Variants in KCNQ1 observed in about 807,000 individuals in gnomAD.
KCNQ1 encodes potassium voltage-gated channel subfamily KQT member 1.
In KCNQ1, 49 loss-of-function variants were observed where a neutral mutation model predicts 72.4. The observed-to-expected ratio is 0.68, with a 90% CI of 0.54 to 0.86. The LOEUF is 0.86. Among genes scored for constraint, KCNQ1 ranks in the 40% least tolerant of loss-of-function variants. The pLI is 0.00. For missense variants in KCNQ1, 790 were observed against 945.1 expected, an observed-to-expected ratio of 0.84 and a Z score of 2.15; for synonymous variants, 450 against 412.6, an observed-to-expected ratio of 1.09 and a Z score of -1.10.
At position 2,724,317 on chromosome 11, in the gene KCNQ1, G is replaced by A. The variant is rs541449860; in HGVS notation, c.1515-44527G>A. Among the ~76,000 whole-genome samples the A allele has an allele frequency of 3.3e-4, 51 of 152,284 alleles. No homozygotes were observed. Among genetic ancestry groups the A allele is most frequent in the African/African-American group, 1.1e-3 (45 of 41,536 alleles). On this transcript the variant is annotated intron_variant, in intron 11 of 15. Coordinates refer to ENST00000155840, the MANE Select transcript of KCNQ1 (RefSeq NM_000218.3). The surrounding 1 kb of genome is among the most constrained non-coding windows in gnomAD (Gnocchi z 6.8). ...GAGCCCTCCCGCTCCACCAGGTGAC[G>A]GCCCTAAATCCTCAGGAGTGACAGC...
At chr11:2,555,014 C>T (rs914774672) in intron 2 of KCNQ1, among the ~76,000 whole-genome samples, 7 of 152,202 alleles carry the variant, frequency 4.6e-5, no homozygotes, top group African/African-American at 1.4e-4. Context: ...CACACGTGCA[C>T]ACACACACGT....
At position 2,725,658 on chromosome 11, in the gene KCNQ1, G is replaced by A. The variant is rs976459792; in HGVS notation, c.1515-43186G>A. ...GGCTGGGCGCCCTGCCCTGCCTTCAGTGCCAAAGCCCCAGGCCCACAGGCT... is the reference window on the plus strand; with the variant it reads ...GGCTGGGCGCCCTGCCCTGCCTTCAATGCCAAAGCCCCAGGCCCACAGGCT... On this transcript the variant is annotated intron_variant, in intron 11 of 15. Coordinates refer to ENST00000155840, the MANE Select transcript of KCNQ1 (RefSeq NM_000218.3). The surrounding 1 kb of genome is among the most constrained non-coding windows in gnomAD (Gnocchi z 7.2). Among the ~76,000 whole-genome samples, 6 of 152,154 alleles carry A rather than the reference G, an allele frequency of 3.9e-5. No homozygotes were observed. Among genetic ancestry groups the A allele is most frequent in the African/African-American group, 1.2e-4 (5 of 41,434 alleles).
At chr11:2,640,585 T>A (rs1849558197) in intron 10 of KCNQ1, 1 of 395,578 alleles carries the variant, frequency 2.5e-6, no homozygotes, top group African/African-American at 2.1e-5. Context: ...TTTTGACCGA[T>A]ACATAATACT....
chr11:2,640,042 T>G, intron 10 of KCNQ1: 1 of 177,288 alleles, frequency 5.6e-6, no homozygotes. Flanking sequence ...TGCCGTTTGC[T>G]AAGACCATTG....
In KCNQ1 at chr11:2,566,422, C is replaced by T. The variant is rs1189566896; in HGVS notation, c.478-4206C>T. Among the ~76,000 whole-genome samples the T allele has an allele frequency of 6.6e-6, 1 of 152,192 alleles. No homozygotes were observed. Among genetic ancestry groups the T allele is most frequent in the African/African-American group, 2.4e-5 (1 of 41,444 alleles). ...TCTCTGCCATGGACGCCAGTCTTCC[C>T]TCCCCTAAGCTGCGGGTGACCTGAC... On this transcript the variant is annotated intron_variant, in intron 2 of 15. Transcript: ENST00000155840. This position sits in a 1 kb window ranked among gnomAD's most constrained non-coding sequence, Gnocchi z 6.7.
At chr11:2,756,444 A>G (rs1846299448) in intron 11 of KCNQ1, among the ~76,000 whole-genome samples, 1 of 126,008 alleles carries the variant, frequency 7.9e-6, no homozygotes, top group South Asian at 2.5e-4. Flanking sequence ...CTAAAATTAA[A>G]AAAAAAAAAA....
At chr11:2,740,104 G>C (rs1291300589) in intron 11 of KCNQ1, among the ~76,000 whole-genome samples, 3 of 152,206 alleles carry the variant, frequency 2.0e-5, no homozygotes, top group Admixed American at 1.3e-4. Context: ...ATGGCGCCCA[G>C]GGTGCCAGTG....
chr11:2,688,487 G>A (rs1328475896), intron 11 of KCNQ1: 2 of 398,592 alleles, frequency 5.0e-6, no homozygotes, highest in Non-Finnish European at 8.8e-6. Flanking sequence ...TCTGCCTCTG[G>A]TTGCCCTGCT....
chr11:2,613,621 C>G lies in KCNQ1; in HGVS notation c.1393+24767C>G. ...TTTATATTTCTTTGTCCAGTTTTAT[C>G]ATTGCTTTTCAGGGAGTGGTTATAT... On this transcript the variant is annotated intron_variant, in intron 10 of 15. Coordinates refer to ENST00000155840, the MANE Select transcript of KCNQ1 (RefSeq NM_000218.3). This position sits in a 1 kb window ranked among gnomAD's most constrained non-coding sequence, Gnocchi z 4.8. 1 of 398,524 alleles carries G rather than the reference C, an allele frequency of 2.5e-6. No homozygotes were observed. The highest frequency in any genetic ancestry group is 4.4e-6 in the Non-Finnish European group (1 of 226,040). 24.7% of individuals were successfully genotyped at this position (398,524 alleles called of 1,614,324 possible). A position where few individuals can be genotyped will look rare whatever the true frequency, so the allele number is the denominator to read the frequency against.
intron 6 of KCNQ1, among the ~76,000 whole-genome samples, chr11:2,578,412 T>C (rs1255170589): frequency 6.6e-6 from 1 of 152,190 alleles, no homozygotes; most frequent in Non-Finnish European, 1.5e-5. Context: ...CCACATCCCC[T>C]GGAACCACTG....
At chr11:2,707,435 T>A (rs1050021426) in intron 11 of KCNQ1, among the ~76,000 whole-genome samples, 4 of 152,128 alleles carry the variant, frequency 2.6e-5, no homozygotes, top group African/African-American at 9.7e-5. Context: ...CCAAGAGCCC[T>A]CCCTTTTGGG....
Position 2,648,981 on chromosome 11 carries a change from C to CTTTTTTTTTTTTTTTTT in KCNQ1, c.1394-12973_1394-12957dup. ...CCTCCTTTGTCTCTTTTTTCTTTTT[C>CTTTTTTTTTTTTTTTTT]TTTTTTTTTTTTTTTTTTTTTTTGA... On this transcript the variant is annotated intron_variant, in intron 10 of 15. Transcript: ENST00000155840. The CTTTTTTTTTTTTTTTTT allele has an allele frequency of 1.9e-4, 41 of 213,298 alleles. 1 individual carries two copies. The highest frequency in any genetic ancestry group is 8.7e-4 in the Admixed American group (9 of 10,320). The allele number at this position is 213,298 out of a possible 1,614,324, so 13.2% of individuals were successfully genotyped here. A position where few individuals can be genotyped will look rare whatever the true frequency, so the allele number is the denominator to read the frequency against.
At chr11:2,739,904 C>T (rs1256415787) in intron 11 of KCNQ1, among the ~76,000 whole-genome samples, 1 of 152,234 alleles carries the variant, frequency 6.6e-6, no homozygotes, top group Non-Finnish European at 1.5e-5. Flanking sequence ...ACAGAGGCCT[C>T]ACCAGTGGGA....
Position 2,595,051 on chromosome 11 carries a change from T to C in KCNQ1, c.1393+6197T>C, listed in dbSNP as rs1456134733. 2.6e-5 allele frequency among the ~76,000 whole-genome samples: 4 copies of C among 152,214 alleles called. No individual in the cohort carries two copies. The highest frequency in any genetic ancestry group is 2.6e-4 in the Admixed American group (4 of 15,280). On this transcript the variant is annotated intron_variant, in intron 10 of 15. Transcript: ENST00000155840. The surrounding 1 kb of genome is among the most constrained non-coding windows in gnomAD (Gnocchi z 5.0). ...TGTACAGGGTGACCCAGTGAACCAA[T>C]CCAGGACCTTCATGATCCATGTTTT...
chr11:2,778,543 C>A (rs750736395), intron 15 of KCNQ1, among the ~76,000 whole-genome samples: 1 of 152,166 alleles, frequency 6.6e-6, no homozygotes, highest in Non-Finnish European at 1.5e-5. Flanking sequence ...ACCCACCAGG[C>A]CCCCACTCCC....
In KCNQ1 at chr11:2,661,510, G is replaced by A. The variant is rs1849955659; in HGVS notation, c.1394-451G>A. 4.3e-6 allele frequency: 2 copies of A among 464,478 alleles called. No homozygotes were observed. Among genetic ancestry groups the A allele is most frequent in the Admixed American group, 3.7e-5 (1 of 27,034 alleles). 28.8% of individuals were successfully genotyped at this position (464,478 alleles called of 1,614,324 possible). ...GGCTTGCCATTCCTCATGGGTCAGAGGTCCTATCACCCCATCTTTCCTGAC... is the reference window on the plus strand; with the variant it reads ...GGCTTGCCATTCCTCATGGGTCAGAAGTCCTATCACCCCATCTTTCCTGAC... On this transcript the variant is annotated intron_variant, in intron 10 of 15. Coordinates refer to ENST00000155840, the MANE Select transcript of KCNQ1 (RefSeq NM_000218.3). The surrounding 1 kb of genome is among the most constrained non-coding windows in gnomAD (Gnocchi z 5.9).
chr11:2,689,251 G>A, intron 11 of KCNQ1: 1 of 398,734 alleles, frequency 2.5e-6, no homozygotes. Context: ...TCAGCCCTTG[G>A]AGGACGTTCC....
At position 2,847,958 on chromosome 11, in the gene KCNQ1, C is replaced by G. The variant is rs11601907; in HGVS notation, c.1986C>G (p.Tyr662Ter). The change falls in exon 16 of 16, where the codon TAC becomes TAG. Residue 662 changes from tyrosine to a stop codon, truncating the protein, a stop_gained. Transcript: ENST00000155840. LOFTEE classifies it high-confidence loss of function. ...TGCCCAGCAACACCCTGCCCACCTA[C>G]GAGCAGCTGACCGTGCCCAGGAGGG... ...LFLPSNTLPT[Y>*]EQLTVPRRGP... 1.9e-4 allele frequency: 304 copies of G among 1,564,530 alleles called. No individual in the cohort carries two copies. Among genetic ancestry groups the G allele is most frequent in the Non-Finnish European group, 2.5e-4 (283 of 1,153,530 alleles).
chr11:2,778,067 C>T, intron 15 of KCNQ1, 30 bp downstream of exon 15: 5 of 1,609,136 alleles, frequency 3.1e-6, no homozygotes, highest in Non-Finnish European at 4.2e-6. Flanking sequence ...TGCGGTGGTT[C>T]TGGTTAGCGT....
Sources: allele counts gnomAD v4.1 joint callset (sites outside exome capture counted in the v4.1 genomes callset), GRCh38; gene constraint gnomAD v4.1.1; non-coding constraint Gnocchi (gnomAD v3.1); transcripts MANE v1.5; gene names NCBI Gene and HGNC (gene_info 2026-07-23, HGNC 2026-07-21).